Variants in ST6GAL2 observed in about 807,000 individuals in gnomAD.
The protein encoded by ST6GAL2 is ST6 beta-galactoside alpha-2,6-sialyltransferase 2.
Under a neutral mutation model 37.5 loss-of-function variants are expected in ST6GAL2, and 24 were observed. The observed-to-expected ratio is 0.64, with a 90% CI of 0.46 to 0.90. ST6GAL2 has a LOEUF of 0.90. Among genes scored for constraint, ST6GAL2 ranks in the 40% least tolerant of loss-of-function variants. The pLI is 0.00. For synonymous variants in ST6GAL2, 306 were observed against 295.1 expected (o/e 1.04, Z -0.38); for missense variants, 715 against 712.7 (o/e 1.00, Z -0.04).
At chr2:106,831,896 T>C (rs1327513873) in intron 4 of ST6GAL2, among the ~76,000 whole-genome samples, 1 of 152,234 alleles carries the variant, frequency 6.6e-6, no homozygotes, top group South Asian at 2.1e-4. Context: ...CTAAATACTA[T>C]CCATCTTTTC....
rs1675274057 is a variant in ST6GAL2, at chr2:106,801,917, ATTTC to A, written c.*4757_*4760del. On this transcript the variant is annotated 3_prime_UTR_variant, in exon 6 of 6. Transcript: ENST00000409382. ...GTTAGATTTTAACACCACCAATGCA[ATTTC>A]TTTGTTTCCAATCTACCTAGCAAGA... 1 of 152,088 alleles carries A rather than the reference ATTTC, an allele frequency of 6.6e-6. No individual in the cohort carries two copies. The highest frequency in any genetic ancestry group is 1.5e-5 in the Non-Finnish European group (1 of 68,014). 9.4% of individuals were successfully genotyped at this position (152,088 alleles called of 1,614,324 possible).
In ST6GAL2 at chr2:106,806,745, T is replaced by G. The variant is rs768714929; in HGVS notation, c.1523A>C (p.Lys508Thr). 1 of 1,614,196 alleles carries G rather than the reference T, an allele frequency of 6.2e-7. No individual in the cohort carries two copies. The highest frequency in any genetic ancestry group is 1.1e-5 in the South Asian group (1 of 91,086). ...CGCCTGGAAGCCGGGAAGAACCACC[T>G]TGCCCTTGCGATGCAAATCCCCCTG... Reference protein sequence around the residue: ...GTQGDLHRKGKVVLPGFQAVH... With the variant: ...GTQGDLHRKGTVVLPGFQAVH... The change falls in exon 6 of 6, where the codon AAG (lysine) becomes ACG (threonine). Residue 508 changes from lysine to threonine, a missense_variant. Lys to Thr is a moderately conservative substitution (Grantham distance 78). This residue lies in a region of ST6GAL2 where 198 missense variants were observed against 203.6 expected (regional missense o/e 0.97). Coordinates refer to ENST00000409382, the MANE Select transcript of ST6GAL2 (RefSeq NM_001142351.2).
At chr2:106,810,587 A>G (rs1289709773) in intron 5 of ST6GAL2, among the ~76,000 whole-genome samples, 2 of 152,232 alleles carry the variant, frequency 1.3e-5, no homozygotes, top group Non-Finnish European at 2.9e-5. Flanking sequence ...GGCGGCAGCC[A>G]GCTGCAGCCA....
At chr2:106,858,580 G>A (rs1677674339) in intron 1 of ST6GAL2, among the ~76,000 whole-genome samples, 2 of 152,164 alleles carry the variant, frequency 1.3e-5, no homozygotes, top group African/African-American at 4.8e-5. Flanking sequence ...GTTTCCTTTT[G>A]GCCAAGGGAA....
chr2:106,880,724 A>C (rs1276628107), intron 1 of ST6GAL2, among the ~76,000 whole-genome samples: 2 of 152,060 alleles, frequency 1.3e-5, no homozygotes, highest in Admixed American at 6.5e-5. Context: ...TAAGCCACAT[A>C]GGAAAAAGAA....
chr2:106,849,898 C>G (rs1472792377), intron 1 of ST6GAL2, among the ~76,000 whole-genome samples: 1 of 152,182 alleles, frequency 6.6e-6, no homozygotes, highest in East Asian at 1.9e-4. Context: ...CCACTTTAGG[C>G]TAAACCAATG....
At chr2:106,808,224 C>G (rs114963195) in intron 5 of ST6GAL2, among the ~76,000 whole-genome samples, 427 of 152,200 alleles carry the variant, frequency 2.8e-3, no homozygotes, top group African/African-American at 1.0e-2. Flanking sequence ...CTGAGGGGTT[C>G]CAGAAAGGCT....
rs189716588 is a variant in ST6GAL2, at chr2:106,825,321, C to T, written c.1318+4745G>A. Reference sequence around the variant, plus strand: ...GCAGTGCTATGGAGAGAGGTTCATGCAGTAAGGTCTCTTGTGCTCAGCTAT... The same window carrying T: ...GCAGTGCTATGGAGAGAGGTTCATGTAGTAAGGTCTCTTGTGCTCAGCTAT... On this transcript the variant is annotated intron_variant, in intron 5 of 5. Coordinates refer to ENST00000409382, the MANE Select transcript of ST6GAL2 (RefSeq NM_001142351.2). Among the ~76,000 whole-genome samples, 9 of 152,312 alleles carry T rather than the reference C, an allele frequency of 5.9e-5. No individual in the cohort carries two copies. In the East Asian group the frequency reaches 1.7e-3, roughly 29 times the overall value.
intron 5 of ST6GAL2, among the ~76,000 whole-genome samples, chr2:106,828,003 G>T (rs6543447): frequency 0.85 from 129,070 of 152,152 alleles, 54,921 homozygotes; most frequent in East Asian, 0.94. Flanking sequence ...CCCTTCTTCA[G>T]GTCAAAGAAG....
At position 106,834,165 on chromosome 2, in the gene ST6GAL2, C is replaced by A; in HGVS notation, c.944-19G>T. ...TGAGAATCTAAGGGCACATAAGTGA[C>A]AAGCTTACTTTTGTTCTCTGTAGAA... On this transcript the variant is annotated intron_variant, in intron 2 of 5. Transcript: ENST00000409382. The A allele has an allele frequency of 6.4e-7, 1 of 1,573,180 alleles. No homozygotes were observed. The highest frequency in any genetic ancestry group is 8.7e-7 in the Non-Finnish European group (1 of 1,144,258).
chr2:106,842,273 A>T (rs1210324228), intron 2 of ST6GAL2, among the ~76,000 whole-genome samples: 1 of 152,130 alleles, frequency 6.6e-6, no homozygotes, highest in Non-Finnish European at 1.5e-5. Flanking sequence ...ACCCTGACTG[A>T]TACAGGAGCT....
chr2:106,844,441 C>A (rs940953508), intron 1 of ST6GAL2, among the ~76,000 whole-genome samples: 10 of 152,122 alleles, frequency 6.6e-5, no homozygotes, highest in African/African-American at 2.4e-4. Context: ...GAGAGGTAAG[C>A]ATGGTTTGCC....
intron 1 of ST6GAL2, among the ~76,000 whole-genome samples, chr2:106,884,178 C>A (rs74873989): frequency 6.6e-6 from 1 of 152,128 alleles, no homozygotes; most frequent in Non-Finnish European, 1.5e-5. Context: ...TTTCAGCAGT[C>A]CCTTCGCTAT....
intron 1 of ST6GAL2, among the ~76,000 whole-genome samples, chr2:106,885,436 A>G (rs1678937738): frequency 6.6e-6 from 1 of 152,180 alleles, no homozygotes; most frequent in Non-Finnish European, 1.5e-5. Context: ...AGGCAATCAC[A>G]AAAAGTCTCA....
In ST6GAL2 at chr2:106,843,271, AC is replaced by A; in HGVS notation, c.706del (p.Val236CysfsTer11). ...GGCCTCCCGCTTCCCGCGGAAGCGC[AC>A]CCCGTGCTTGTTGGCGGTCAGGTAA... The part of the protein sequence containing the change: ...KDYLTANKHG[V>X]RFRGKREAGL... On this transcript the variant is annotated frameshift_variant, in exon 2 of 6. Coordinates refer to ENST00000409382, the MANE Select transcript of ST6GAL2 (RefSeq NM_001142351.2). LOFTEE classifies it high-confidence loss of function. 1 of 1,607,356 alleles carries A rather than the reference AC, an allele frequency of 6.2e-7. No individual in the cohort carries two copies. Among genetic ancestry groups the A allele is most frequent in the South Asian group, 1.1e-5 (1 of 90,244 alleles).
intron 1 of ST6GAL2, among the ~76,000 whole-genome samples, chr2:106,880,026 C>T (rs982913): frequency 0.76 from 113,719 of 148,920 alleles, 44,000 homozygotes; most frequent in East Asian, 0.97. Context: ...TATATACATA[C>T]CTAATGTATA....
intron 2 of ST6GAL2, among the ~76,000 whole-genome samples, chr2:106,838,726 C>T (rs1309001251): frequency 1.3e-5 from 2 of 152,130 alleles, no homozygotes; most frequent in Admixed American, 1.3e-4. Flanking sequence ...GTAAGGTTTA[C>T]AACAGTTAGC....
At chr2:106,847,023 T>A (rs761936178) in intron 1 of ST6GAL2, among the ~76,000 whole-genome samples, 3 of 152,218 alleles carry the variant, frequency 2.0e-5, no homozygotes, top group Non-Finnish European at 4.4e-5. Context: ...GCTCACACCT[T>A]TCACAGTAAG....
chr2:106,885,773 C>G (rs1250643042), intron 1 of ST6GAL2: 1 of 152,140 alleles, frequency 6.6e-6, no homozygotes, highest in African/African-American at 2.4e-5. Flanking sequence ...ACACTTTAAC[C>G]TTTAAGAAGT....
Sources: allele counts gnomAD v4.1 joint callset (sites outside exome capture counted in the v4.1 genomes callset), GRCh38; gene constraint gnomAD v4.1.1; regional missense constraint gnomAD v4.1.1; transcripts MANE v1.5; gene names NCBI Gene and HGNC (gene_info 2026-07-23, HGNC 2026-07-21).